Variants in SOCS2 observed in about 807,000 individuals in gnomAD.
The protein encoded by SOCS2 is CIS-2.
In SOCS2, 10 loss-of-function variants were observed where a neutral mutation model predicts 18.6. The observed-to-expected ratio is 0.54, with a 90% confidence interval of 0.33 to 0.91. The LOEUF is 0.91. SOCS2 is among the 40% of genes least tolerant of loss of function. The pLI, the probability that SOCS2 is intolerant of heterozygous loss-of-function variation, is 0.02. For synonymous variants in SOCS2, 104 were observed against 104.0 expected, an observed-to-expected ratio of 1.00 and a Z score of 0.00; for missense variants, 231 against 247.2, an observed-to-expected ratio of 0.93 and a Z score of 0.44.
rs904593193 is a variant in SOCS2, at chr12:93,575,465, A to G, written c.*286A>G. 1 of 184,228 alleles carries G rather than the reference A, an allele frequency of 5.4e-6. No homozygotes were observed. Among genetic ancestry groups the G allele is most frequent in the Admixed American group, 5.5e-5 (1 of 18,118 alleles). 11.4% of individuals were successfully genotyped at this position (184,228 alleles called of 1,614,324 possible). A position where few individuals can be genotyped will look rare whatever the true frequency, so the allele number is the denominator to read the frequency against. On this transcript the variant is annotated 3_prime_UTR_variant, in exon 2 of 2. Coordinates refer to ENST00000551556, the MANE Select transcript of SOCS2 (RefSeq NM_001270471.2). ...CATGTAAAGGCTGAAGTCGCGTTTT[A>G]TCAGAATGCCTTGCCTTCTTAGGTT...
the SOCS2 span, among the ~76,000 whole-genome samples, chr12:93,619,233 C>T: frequency 6.6e-6 from 1 of 152,258 alleles, no homozygotes; most frequent in Middle Eastern, 3.4e-3. Flanking sequence ...GGTAAGTTGC[C>T]CCGCTTCTTC....
the SOCS2 span, among the ~76,000 whole-genome samples, chr12:93,614,484 C>CT: frequency 2.4e-3 from 58 of 23,776 alleles, 2 homozygotes; most frequent in South Asian, 9.7e-3. Flanking sequence ...CCTTCCTTTC[C>CT]TTCCTTCCTT....
the SOCS2 span, among the ~76,000 whole-genome samples, chr12:93,624,009 C>T: frequency 3.3e-5 from 5 of 152,278 alleles, no homozygotes; most frequent in South Asian, 6.2e-4. Flanking sequence ...CAGCCTGAGC[C>T]ACTGCGCCTG....
At chr12:93,614,478 C>CCTTCCTTTCCTTCCTTCCTTCCTT in the SOCS2 span, among the ~76,000 whole-genome samples, 3 of 49,436 alleles carry the variant, frequency 6.1e-5, no homozygotes, top group East Asian at 8.1e-4. Context: ...TTCCTTCCTT[C>CCTTCCTTTCCTTCCTTCCTTCCTT]CTTTCCTTCC....
Position 93,575,600 on chromosome 12 carries a change from G to T in SOCS2, c.*421G>T, listed in dbSNP as rs35402510. On this transcript the variant is annotated 3_prime_UTR_variant, in exon 2 of 2. Transcript: ENST00000551556. ...GCTGACACAGGCCTCACTGCAATTT[G>T]ATATGCCTGCTGATCAGAGTCTCTT... 3,057 of 154,616 alleles carry T rather than the reference G, an allele frequency of 0.02. 51 individuals are homozygous for T. Among genetic ancestry groups the T allele is most frequent in the Middle Eastern group, 0.091 (27 of 298 alleles). 9.6% of individuals were successfully genotyped at this position (154,616 alleles called of 1,614,324 possible).
the SOCS2 span, among the ~76,000 whole-genome samples, chr12:93,592,332 C>T: frequency 6.6e-6 from 1 of 152,200 alleles, no homozygotes; most frequent in Non-Finnish European, 1.5e-5. Context: ...TTCTTTTCAA[C>T]AGCTGCACAA....
At chr12:93,616,680 G>A in the SOCS2 span, among the ~76,000 whole-genome samples, 954 of 152,296 alleles carry the variant, frequency 6.3e-3, 19 homozygotes, top group African/African-American at 0.022. Flanking sequence ...ATTTCAATGG[G>A]CGGGGGTATG....
chr12:93,581,475 T>G (rs180744847), downstream of SOCS2, among the ~76,000 whole-genome samples: 141 of 152,212 alleles, frequency 9.3e-4, 1 homozygote, highest in African/African-American at 2.9e-3. Context: ...CTACTATGGA[T>G]CAGGCCATCT....
chr12:93,605,284 C>T, the SOCS2 span, among the ~76,000 whole-genome samples: 4 of 152,000 alleles, frequency 2.6e-5, no homozygotes, highest in South Asian at 4.1e-4. Flanking sequence ...ATATAACTAA[C>T]GTATATAAGA....
chr12:93,614,636 G>C, the SOCS2 span, among the ~76,000 whole-genome samples: 1 of 89,714 alleles, frequency 1.1e-5, no homozygotes, highest in Admixed American at 1.4e-4. Flanking sequence ...TCTTTCTTTT[G>C]ATGGAGTCTG....
At chr12:93,578,682 GCACACACACA>G (rs10594657), downstream of SOCS2, among the ~76,000 whole-genome samples, 6 of 146,558 alleles carry the variant, frequency 4.1e-5, no homozygotes, top group African/African-American at 1.3e-4. Context: ...TTGCATGCTC[GCACACACACA>G]CACACACACA....
chr12:93,614,623 CT>C, the SOCS2 span, among the ~76,000 whole-genome samples: 97 of 91,738 alleles, frequency 1.1e-3, no homozygotes, highest in Non-Finnish European at 1.9e-3. Context: ...TTCTTTCTTT[CT>C]TTCTTTCTTT....
At chr12:93,580,780 A>G (rs1346542244), downstream of SOCS2, among the ~76,000 whole-genome samples, 3 of 151,970 alleles carry the variant, frequency 2.0e-5, no homozygotes, top group Non-Finnish European at 4.4e-5. Flanking sequence ...CTTCATTTTT[A>G]TTTCTAGGTT....
At chr12:93,607,262 G>GA in the SOCS2 span, among the ~76,000 whole-genome samples, 133 of 152,218 alleles carry the variant, frequency 8.7e-4, no homozygotes, top group African/African-American at 3.0e-3. Flanking sequence ...ATTTGAAGGA[G>GA]AAAAAAGTAG....
At chr12:93,571,976 C>T (rs909603405), upstream of SOCS2, 3 of 278,182 alleles carry the variant, frequency 1.1e-5, no homozygotes, top group African/African-American at 4.7e-5. Context: ...CGCTCGGCCC[C>T]GGCCTCGCCT....
the SOCS2 span, among the ~76,000 whole-genome samples, chr12:93,618,870 C>T: frequency 0.019 from 2,822 of 152,296 alleles, 36 homozygotes; most frequent in African/African-American, 0.035. Flanking sequence ...ACCAGCAAGG[C>T]GTCTCACTAT....
rs1233386613 is a variant in SOCS2 at position 93,575,580 on chromosome 12, C to T, written c.*401C>T. ...AAGAAGTGGGAAGGAACCAAGCTGA[C>T]ACAGGCCTCACTGCAATTTGATATG... On this transcript the variant is annotated 3_prime_UTR_variant, in exon 2 of 2. Coordinates refer to ENST00000551556, the MANE Select transcript of SOCS2 (RefSeq NM_001270471.2). The T allele has an allele frequency of 1.3e-5, 2 of 155,718 alleles. No homozygotes were observed. Among genetic ancestry groups the T allele is most frequent in the African/African-American group, 4.8e-5 (2 of 41,478 alleles). The allele number at this position is 155,718 out of a possible 1,614,324, so 9.6% of individuals were successfully genotyped here.
the SOCS2 span, among the ~76,000 whole-genome samples, chr12:93,593,997 G>A: frequency 1.3e-5 from 2 of 152,146 alleles, no homozygotes; most frequent in Non-Finnish European, 2.9e-5. Flanking sequence ...CACATTACAA[G>A]CCAGCAGGAA....
chr12:93,605,855 T>C, the SOCS2 span, among the ~76,000 whole-genome samples: 1 of 152,246 alleles, frequency 6.6e-6, no homozygotes, highest in Non-Finnish European at 1.5e-5. Flanking sequence ...AATTGATATT[T>C]ACTGAGTTCT....
Sources: gnomAD v4.1 joint callset for allele counts (sites outside exome capture counted in the v4.1 genomes callset) on GRCh38, gnomAD v4.1.1 for gene constraint, MANE v1.5 for transcripts, NCBI Gene and HGNC (gene_info 2026-07-23, HGNC 2026-07-21) for gene names.